FHIT: variants seen among roughly 807,000 people sequenced by gnomAD.
FHIT encodes the protein fragile histidine triad diadenosine triphosphatase, also known as bis(5'-adenosyl)-triphosphatase.
In FHIT, 19 loss-of-function variants were observed where a neutral mutation model predicts 17.9. The ratio of observed to expected loss-of-function variants is 1.06; its 90% CI spans 0.74 to 1.56. FHIT has a LOEUF of 1.56. Ranked by LOEUF, FHIT falls within the 40% of genes most tolerant of loss-of-function variation. The pLI is 0.00. For missense variants in FHIT, 248 were observed against 189.2 expected (o/e 1.31, Z -1.82); for synonymous variants, 81 against 69.7 (o/e 1.16, Z -0.81).
intron 5 of FHIT, among the ~76,000 whole-genome samples, chr3:60,240,270 GA>G (rs987423483): frequency 1.3e-4 from 19 of 151,816 alleles, no homozygotes; most frequent in Admixed American, 9.8e-4. Context: ...AGAGAATGGG[GA>G]AAAAAAGGCT....
intron 4 of FHIT, among the ~76,000 whole-genome samples, chr3:60,615,077 C>T (rs2038912338): frequency 6.6e-6 from 1 of 151,978 alleles, no homozygotes; most frequent in Admixed American, 6.6e-5. Flanking sequence ...ATCTGCCTGC[C>T]TTGGCCTCCC....
At chr3:60,811,933 T>C (rs1357709264) in intron 4 of FHIT, among the ~76,000 whole-genome samples, 2 of 152,168 alleles carry the variant, frequency 1.3e-5, no homozygotes, top group Admixed American at 6.5e-5. Flanking sequence ...AAATGTTGAC[T>C]CTAAGAAATA....
At position 60,825,844 on chromosome 3, in the gene FHIT, A is replaced by G. The variant is rs577771570; in HGVS notation, c.-110-3833T>C. The stretch of plus-strand genomic sequence containing the variant: ...TACACATATATGTATGTAAAAGTAT[A>G]AACAACGGACTAGTCAAATACATCC... On this transcript the variant is annotated intron_variant, in intron 3 of 9. Coordinates refer to ENST00000492590, the MANE Select transcript of FHIT (RefSeq NM_002012.4). Among the ~76,000 whole-genome samples, 29 of 152,350 alleles carry G rather than the reference A, an allele frequency of 1.9e-4. No individual in the cohort carries two copies. The South Asian group carries it at 6.0e-3, about 32-fold the overall frequency.
chr3:61,071,416 GA>G (rs57679512), intron 2 of FHIT, among the ~76,000 whole-genome samples: 15,009 of 152,100 alleles, frequency 0.099, 2,056 homozygotes, highest in African/African-American at 0.31. Context: ...TGATCCTGAT[GA>G]AATAATAAAA....
intron 3 of FHIT, among the ~76,000 whole-genome samples, chr3:60,859,723 ATTTTTTTTTTTTTTTTTTTTTTTT>A (rs71092647): frequency 1.9e-5 from 1 of 51,886 alleles, no homozygotes. Flanking sequence ...TCTGAATACG[ATTTTTTTTTTTTTTTTTTTTTTTT>A]TTTTTTTTTT....
chr3:61,032,172 A>G (rs2107669633), intron 3 of FHIT, among the ~76,000 whole-genome samples: 1 of 152,328 alleles, frequency 6.6e-6, no homozygotes, highest in South Asian at 2.1e-4. Flanking sequence ...GAACTCCTAC[A>G]GGTAAATAAT....
At chr3:59,781,952 A>T (rs1702606518) in intron 8 of FHIT, among the ~76,000 whole-genome samples, 1 of 152,214 alleles carries the variant, frequency 6.6e-6, no homozygotes, top group Admixed American at 6.5e-5. Context: ...CATATGCTCT[A>T]GATTTGCATT....
Position 61,218,863 on chromosome 3 carries a change from A to G in FHIT, c.-212-18198T>C, listed in dbSNP as rs142294016. ...TTCAAACCAACCCCACCTTACTCAC[A>G]CATTGAAAACCCCAGATTCTATCCC... On this transcript the variant is annotated intron_variant, in intron 1 of 9. Coordinates refer to ENST00000492590, the MANE Select transcript of FHIT (RefSeq NM_002012.4). Among the ~76,000 whole-genome samples the G allele has an allele frequency of 7.2e-5, 11 of 152,300 alleles. No homozygotes were observed. In the East Asian group the frequency reaches 9.6e-4, roughly 13 times the overall value.
At chr3:61,230,801 T>C (rs7640496) in intron 1 of FHIT, among the ~76,000 whole-genome samples, 33,872 of 152,106 alleles carry the variant, frequency 0.22, 6,114 homozygotes, top group African/African-American at 0.5. Context: ...CACTTCCTAA[T>C]TCAAAAATTA....
At chr3:59,914,843 A>G (rs558694876) in intron 8 of FHIT, among the ~76,000 whole-genome samples, 28 of 150,460 alleles carry the variant, frequency 1.9e-4, no homozygotes, top group African/African-American at 6.8e-4. Flanking sequence ...TAATCCCTAT[A>G]CTCTCATTTC....
intron 8 of FHIT, among the ~76,000 whole-genome samples, chr3:59,754,648 A>C (rs1288011732): frequency 1.3e-5 from 2 of 152,184 alleles, no homozygotes; most frequent in African/African-American, 4.8e-5. Context: ...AGGAATCCAA[A>C]TAATTTAGAG....
intron 5 of FHIT, among the ~76,000 whole-genome samples, chr3:60,024,152 G>T (rs187130062): frequency 1.1e-4 from 16 of 152,288 alleles, no homozygotes; most frequent in African/African-American, 3.9e-4. Context: ...GCTTGGAAAA[G>T]TTCAAAGATA....
intron 4 of FHIT, among the ~76,000 whole-genome samples, chr3:60,661,486 C>G (rs1366155462): frequency 6.6e-6 from 1 of 152,126 alleles, no homozygotes; most frequent in Non-Finnish European, 1.5e-5. Context: ...CATAGTTTTG[C>G]AATTGGAAAT....
chr3:60,459,403 T>C (rs1387799232), intron 5 of FHIT, among the ~76,000 whole-genome samples: 2 of 152,122 alleles, frequency 1.3e-5, no homozygotes, highest in Admixed American at 6.6e-5. Flanking sequence ...TTGGGAAAAA[T>C]GAGACTGCCT....
intron 2 of FHIT, among the ~76,000 whole-genome samples, chr3:61,096,139 C>T (rs942196655): frequency 6.6e-6 from 1 of 152,194 alleles, no homozygotes; most frequent in African/African-American, 2.4e-5. Context: ...TTAAATCTTT[C>T]TCAAACAAAC....
chr3:61,075,233 T>C (rs1303324215), intron 2 of FHIT, among the ~76,000 whole-genome samples: 1 of 152,182 alleles, frequency 6.6e-6, no homozygotes, highest in Non-Finnish European at 1.5e-5. Flanking sequence ...GTGTCGCATC[T>C]GGAGCTGCAG....
chr3:60,566,535 T>C (rs1362640247), intron 4 of FHIT, among the ~76,000 whole-genome samples: 1 of 152,142 alleles, frequency 6.6e-6, no homozygotes, highest in Non-Finnish European at 1.5e-5. Context: ...AGCATTCCCT[T>C]TGAAAACTGG....
intron 7 of FHIT, among the ~76,000 whole-genome samples, chr3:59,929,038 T>C (rs1447266274): frequency 8.3e-6 from 1 of 121,140 alleles, no homozygotes; most frequent in African/African-American, 3.2e-5. Flanking sequence ...TAATAACAAA[T>C]GCTGGCAAGG....
At chr3:60,249,629 T>G (rs1468020569) in intron 5 of FHIT, among the ~76,000 whole-genome samples, 1 of 149,022 alleles carries the variant, frequency 6.7e-6, no homozygotes, top group South Asian at 2.1e-4. Context: ...GGAGTGACAT[T>G]AGAACCATGA....
Sources: allele counts gnomAD v4.1 joint callset (sites outside exome capture counted in the v4.1 genomes callset), GRCh38; gene constraint gnomAD v4.1.1; transcripts MANE v1.5; gene names NCBI Gene and HGNC (gene_info 2026-07-23, HGNC 2026-07-21).